Variants in MVB12B observed in about 807,000 individuals in gnomAD.
The protein encoded by MVB12B is multivesicular body subunit 12B.
A neutral mutation model predicts 41.6 loss-of-function variants in MVB12B; 16 were observed. That is an observed-to-expected ratio of 0.38 (90% confidence interval 0.26 to 0.58). The LOEUF is 0.58. Ranked by LOEUF, MVB12B falls within the 20% of genes least tolerant of loss-of-function variation. MVB12B has a pLI of 0.62. For synonymous variants in MVB12B, 133 were observed against 139.7 expected (o/e 0.95, Z 0.34); for missense variants, 274 against 380.2 (o/e 0.72, Z 2.32).
intron 1 of MVB12B, among the ~76,000 whole-genome samples, chr9:126,337,482 AGCTTTG>A (rs1315592062): frequency 2.0e-5 from 3 of 152,212 alleles, no homozygotes; most frequent in Non-Finnish European, 2.9e-5. Context: ...GAGAAAGAAA[AGCTTTG>A]GCATTTTAAA....
At chr9:126,438,398 G>C (rs999540122) in intron 7 of MVB12B, among the ~76,000 whole-genome samples, 2 of 142,440 alleles carry the variant, frequency 1.4e-5, no homozygotes, top group Non-Finnish European at 3.2e-5. Context: ...TTAGTGTAAA[G>C]TATCCAAAAA....
intron 7 of MVB12B, among the ~76,000 whole-genome samples, chr9:126,434,975 C>T (rs376772042): frequency 1.4e-4 from 22 of 152,124 alleles, no homozygotes; most frequent in Non-Finnish European, 3.2e-4. Flanking sequence ...CTCAATGTTT[C>T]GTTGATTCTG....
intron 6 of MVB12B, among the ~76,000 whole-genome samples, chr9:126,410,765 GC>G (rs1479697789): frequency 1.4e-4 from 21 of 152,216 alleles, no homozygotes; most frequent in Middle Eastern, 3.4e-3. Context: ...CTTCTCCCCA[GC>G]CACAGTCTTT....
intron 9 of MVB12B, among the ~76,000 whole-genome samples, chr9:126,497,827 C>T (rs1042714248): frequency 1.3e-5 from 2 of 152,248 alleles, no homozygotes; most frequent in African/African-American, 4.8e-5. Flanking sequence ...CCTGCAGCTG[C>T]TGGAAGAAGA....
At chr9:126,492,432 C>T (rs1431843672) in intron 9 of MVB12B, among the ~76,000 whole-genome samples, 3 of 151,988 alleles carry the variant, frequency 2.0e-5, no homozygotes, top group Non-Finnish European at 4.4e-5. Flanking sequence ...GCCTTTTGAA[C>T]AGGGCGGGGC....
chr9:126,336,333 G>A (rs559679594), intron 1 of MVB12B, among the ~76,000 whole-genome samples: 4 of 152,324 alleles, frequency 2.6e-5, no homozygotes, highest in East Asian at 3.9e-4. Flanking sequence ...CCCAGACTGG[G>A]GCCGGGAGGC....
Position 126,367,355 on chromosome 9 carries a change from T to G in MVB12B, c.205-13709T>G, listed in dbSNP as rs1830211201. On this transcript the variant is annotated intron_variant, in intron 2 of 9. Coordinates refer to ENST00000361171, the MANE Select transcript of MVB12B (RefSeq NM_033446.3). The surrounding 1 kb of genome is among the most constrained non-coding windows in gnomAD (Gnocchi z 4.3). ...ACCAGATCTCTGTGGTCGTATGGTCTGCTCTCTCTCTCTCATCCGCGTGGC... is the reference window on the plus strand; with the variant it reads ...ACCAGATCTCTGTGGTCGTATGGTCGGCTCTCTCTCTCTCATCCGCGTGGC... 1.3e-5 allele frequency among the ~76,000 whole-genome samples: 2 copies of G among 151,574 alleles called. No homozygotes were observed. The highest frequency in any genetic ancestry group is 2.4e-5 in the African/African-American group (1 of 40,958).
In MVB12B at chr9:126,421,319, G is replaced by C. The variant is rs189991481; in HGVS notation, c.663-535G>C. ...ACACACAGACATAGCAGTTGAGAGC[G>C]ATGTGCCATCCTGATTTTCAGAGGT... On this transcript the variant is annotated intron_variant, in intron 6 of 9. Transcript: ENST00000361171. Among the ~76,000 whole-genome samples the C allele has an allele frequency of 2.6e-5, 4 of 152,314 alleles. No homozygotes were observed. In the East Asian group the frequency reaches 7.7e-4, roughly 29 times the overall value.
chr9:126,352,687 T>C (rs753912141), intron 2 of MVB12B, among the ~76,000 whole-genome samples: 8 of 152,214 alleles, frequency 5.3e-5, no homozygotes, highest in Non-Finnish European at 1.2e-4. Flanking sequence ...GTTTGTTTGG[T>C]ATAATTTCCA....
At chr9:126,428,447 CCAAA>C (rs1832242181) in intron 7 of MVB12B, among the ~76,000 whole-genome samples, 1 of 152,056 alleles carries the variant, frequency 6.6e-6, no homozygotes. Flanking sequence ...CCAAACAATT[CCAAA>C]CATATTTTCC....
chr9:126,428,100 A>G (rs1832231914), intron 7 of MVB12B, among the ~76,000 whole-genome samples: 1 of 152,114 alleles, frequency 6.6e-6, no homozygotes, highest in African/African-American at 2.4e-5. Flanking sequence ...AGTGTCCATC[A>G]TCTCATCAGT....
At position 126,386,740 on chromosome 9, in the gene MVB12B, T is replaced by C. The variant is rs1169112667; in HGVS notation, c.409+82T>C. 3.8e-6 allele frequency: 4 copies of C among 1,048,886 alleles called. No homozygotes were observed. The African/African-American group carries it at 6.3e-5, about 17-fold the overall frequency. 65.0% of individuals were successfully genotyped at this position (1,048,886 alleles called of 1,614,324 possible). A position where few individuals can be genotyped will look rare whatever the true frequency, so the allele number is the denominator to read the frequency against. On this transcript the variant is annotated intron_variant, in intron 4 of 9. Transcript: ENST00000361171. The surrounding 1 kb of genome is among the most constrained non-coding windows in gnomAD (Gnocchi z 4.3). ...TTTGTAGGTGTTTTTCTATGTGCATTTTTCTTCAGAAACACTTTTGGAGGC... is the reference window on the plus strand; with the variant it reads ...TTTGTAGGTGTTTTTCTATGTGCATCTTTCTTCAGAAACACTTTTGGAGGC...
intron 7 of MVB12B, among the ~76,000 whole-genome samples, chr9:126,441,272 G>A (rs1832633752): frequency 6.6e-6 from 1 of 152,186 alleles, no homozygotes; most frequent in Non-Finnish European, 1.5e-5. Flanking sequence ...ACAAAAGGGA[G>A]CATAATAGAG....
intron 7 of MVB12B, among the ~76,000 whole-genome samples, chr9:126,429,569 A>G (rs1233933951): frequency 1.3e-5 from 2 of 152,248 alleles, no homozygotes. Flanking sequence ...AGACTGTAAC[A>G]TGTATTATTA....
intron 1 of MVB12B, among the ~76,000 whole-genome samples, chr9:126,337,566 A>C (rs1829318514): frequency 6.6e-6 from 1 of 152,202 alleles, no homozygotes; most frequent in South Asian, 2.1e-4. Context: ...CTAGTACAAT[A>C]GAAAACAGAC....
At chr9:126,461,573 G>A (rs965193698) in intron 7 of MVB12B, among the ~76,000 whole-genome samples, 4 of 152,216 alleles carry the variant, frequency 2.6e-5, no homozygotes, top group South Asian at 4.1e-4. Flanking sequence ...TATCTTTAAC[G>A]TTTTTCTATT....
chr9:126,500,237 C>T (rs897797354), intron 9 of MVB12B, among the ~76,000 whole-genome samples: 2 of 150,606 alleles, frequency 1.3e-5, no homozygotes, highest in African/African-American at 4.9e-5. Context: ...CGGCCCAGGA[C>T]GCCTCCCCCA....
intron 2 of MVB12B, among the ~76,000 whole-genome samples, chr9:126,363,536 C>G (rs1206527494): frequency 1.3e-5 from 2 of 152,150 alleles, no homozygotes. Context: ...TCCAGTCTTC[C>G]CTGAACTGTT....
At chr9:126,456,977 C>T (rs1239333432) in intron 7 of MVB12B, among the ~76,000 whole-genome samples, 1 of 152,200 alleles carries the variant, frequency 6.6e-6, no homozygotes, top group East Asian at 1.9e-4. Flanking sequence ...GCCGTCTGCT[C>T]ATGCCCTCAC....
Sources: allele counts gnomAD v4.1 joint callset (sites outside exome capture counted in the v4.1 genomes callset), GRCh38; gene constraint gnomAD v4.1.1; non-coding constraint Gnocchi (gnomAD v3.1); transcripts MANE v1.5; gene names NCBI Gene and HGNC (gene_info 2026-07-23, HGNC 2026-07-21).